Variants in ZC3H3 observed in about 807,000 individuals in gnomAD.
The protein encoded by ZC3H3 is zinc finger CCCH-type containing 3.
Under a neutral mutation model 77.3 loss-of-function variants are expected in ZC3H3, and 36 were observed. The observed-to-expected ratio is 0.47, with a 90% CI of 0.36 to 0.61. The LOEUF (loss-of-function observed/expected upper bound fraction) is 0.61, where lower values mean the gene tolerates loss of function less well. Among genes scored for constraint, ZC3H3 ranks in the 20% least tolerant of loss-of-function variants. The probability of loss-of-function intolerance (pLI) is 0.00; values close to 1 mark genes in which losing one functional copy is unlikely to be tolerated. For synonymous variants in ZC3H3, 626 were observed against 555.2 expected, an observed-to-expected ratio of 1.13 and a Z score of -1.79; for missense variants, 1,331 against 1,312.2, an observed-to-expected ratio of 1.01 and a Z score of -0.22.
intron 10 of ZC3H3, 38 bp downstream of exon 10, chr8:143,440,898 A>G: frequency 2.2e-6 from 3 of 1,362,602 alleles, no homozygotes; most frequent in Non-Finnish European, 2.8e-6. Flanking sequence ...GGAGGGGGCC[A>G]CCCAGGCTCA....
chr8:143,455,868 G>C (rs1820103668), intron 9 of ZC3H3, among the ~76,000 whole-genome samples: 1 of 148,208 alleles, frequency 6.7e-6, no homozygotes, highest in Non-Finnish European at 1.5e-5. Flanking sequence ...AGCTACTCAG[G>C]AAGCTGAGGC....
rs963195014 is a variant in ZC3H3, at chr8:143,537,860, A to G, written c.1364+143T>C. On this transcript the variant is annotated intron_variant, in intron 2 of 11. Coordinates refer to ENST00000262577, the MANE Select transcript of ZC3H3 (RefSeq NM_015117.3). Reference sequence around the variant, plus strand: ...GCCCCAGGCAAGCCCAAACCACCACAGCAGCACTTCCTGCCTCATTTCTTG... The same window carrying G: ...GCCCCAGGCAAGCCCAAACCACCACGGCAGCACTTCCTGCCTCATTTCTTG... The G allele has an allele frequency of 1.8e-5, 17 of 967,060 alleles. 1 individual carries two copies. The South Asian group carries it at 2.6e-4, about 15-fold the overall frequency. The allele number at this position is 967,060 out of a possible 1,614,324, so 59.9% of individuals were successfully genotyped here.
rs566821290 is a variant in ZC3H3, at chr8:143,471,397, G to A, written c.1904-2738C>T. ...TGGGCAGGTGACCAGCAGGGGAGGC[G>A]CAGAGGCCGGACGTGCCAGGAACAC... On this transcript the variant is annotated intron_variant, in intron 5 of 11. Transcript: ENST00000262577. Among the ~76,000 whole-genome samples, 55 of 152,328 alleles carry A rather than the reference G, an allele frequency of 3.6e-4. 2 individuals are homozygous for A. In the South Asian group the frequency reaches 9.9e-3, roughly 28 times the overall value.
chr8:143,539,023 A>T lies in ZC3H3; in HGVS notation c.344T>A (p.Val115Asp). The stretch of plus-strand genomic sequence containing the variant: ...CACGTTCTGACCCTGACTGAGCTGG[A>T]CCTGTCTCTCAAGGACATGCTGCTG... ...VPQQHVLERQ[V>D]QLSQGQNVVI... Residue 115 changes from valine (V) to aspartate (D), a missense_variant, in exon 2 of 12, where the codon GTC becomes GAC. By Grantham distance (152) the Val-to-Asp change is radical. Around this residue, in one of 3 missense-constraint regions of ZC3H3, gnomAD observed 978 missense variants for 915.5 expected, o/e 1.07. Transcript: ENST00000262577. 6.2e-6 allele frequency: 10 copies of T among 1,612,954 alleles called. No homozygotes were observed. The highest frequency in any genetic ancestry group is 8.5e-6 in the Non-Finnish European group (10 of 1,180,014).
intron 4 of ZC3H3, among the ~76,000 whole-genome samples, chr8:143,480,815 A>G (rs1820887603): frequency 1.3e-5 from 2 of 152,190 alleles, no homozygotes; most frequent in African/African-American, 4.8e-5. Context: ...AGTCAGCGTG[A>G]CTGGCACACT....
rs113284351 is a variant in ZC3H3 at position 143,496,557 on chromosome 8, G to A, written c.1715+11189C>T. 9.6e-3 allele frequency among the ~76,000 whole-genome samples: 1,464 copies of A among 152,266 alleles called. 12 individuals carry two copies. Among genetic ancestry groups the A allele is most frequent in the Non-Finnish European group, 0.013 (893 of 68,018 alleles). ...AGTGGAGTAAGACTCCTGGGTCCAC[G>A]CCGTTAAAGCAAATCAACAACGACG... On this transcript the variant is annotated intron_variant, in intron 4 of 11. Coordinates refer to ENST00000262577, the MANE Select transcript of ZC3H3 (RefSeq NM_015117.3).
At chr8:143,536,602 G>C in intron 2 of ZC3H3, 149 bp from the exon 3 acceptor site, 1 of 782,438 alleles carries the variant, frequency 1.3e-6, no homozygotes, top group Non-Finnish European at 1.9e-6. Context: ...GCCTCCCTCA[G>C]CCCATGGCGG....
Position 143,530,654 on chromosome 8 carries a change from G to A in ZC3H3, c.1561+5603C>T, listed in dbSNP as rs889087689. On this transcript the variant is annotated intron_variant, in intron 3 of 11. Coordinates refer to ENST00000262577, the MANE Select transcript of ZC3H3 (RefSeq NM_015117.3). This position sits in a 1 kb window ranked among gnomAD's most constrained non-coding sequence, Gnocchi z 4.3. Reference sequence around the variant, plus strand: ...TCTCAGGGTGGCCGAGCACAGCGACGGGCCCCAGGAGGATGTACCACGAAG... The same window carrying A: ...TCTCAGGGTGGCCGAGCACAGCGACAGGCCCCAGGAGGATGTACCACGAAG... 2.0e-5 allele frequency among the ~76,000 whole-genome samples: 3 copies of A among 152,200 alleles called. No homozygotes were observed. The highest frequency in any genetic ancestry group is 7.2e-5 in the African/African-American group (3 of 41,506).
At chr8:143,439,655 C>T (rs1049012368) in intron 11 of ZC3H3, among the ~76,000 whole-genome samples, 5 of 152,198 alleles carry the variant, frequency 3.3e-5, no homozygotes, top group Admixed American at 6.5e-5. Context: ...GGGCAGACTG[C>T]GCAGCGGCCA....
chr8:143,525,490 G>T (rs1051868596), intron 3 of ZC3H3, among the ~76,000 whole-genome samples: 1 of 152,200 alleles, frequency 6.6e-6, no homozygotes, highest in African/African-American at 2.4e-5. Flanking sequence ...GCCACCCAAG[G>T]GACCCCACAG....
At chr8:143,495,649 A>G (rs1468184600) in intron 4 of ZC3H3, among the ~76,000 whole-genome samples, 1 of 152,130 alleles carries the variant, frequency 6.6e-6, no homozygotes, top group African/African-American at 2.4e-5. Flanking sequence ...AGTGTCAGTC[A>G]GGGCTCATTG....
chr8:143,462,232 A>G lies in ZC3H3; in HGVS notation c.2307+3485T>C, dbSNP rs1360410415. Among the ~76,000 whole-genome samples, 1 of 152,154 alleles carries G rather than the reference A, an allele frequency of 6.6e-6. No individual in the cohort carries two copies. Among genetic ancestry groups the G allele is most frequent in the South Asian group, 2.1e-4 (1 of 4,826 alleles). Reference sequence around the variant, plus strand: ...GGCAGTGCCGTTATCCCGACTGTATATAAAAGGAGACTGAGGCCAGAGGAG... The same window carrying G: ...GGCAGTGCCGTTATCCCGACTGTATGTAAAAGGAGACTGAGGCCAGAGGAG... On this transcript the variant is annotated intron_variant, in intron 9 of 11. Coordinates refer to ENST00000262577, the MANE Select transcript of ZC3H3 (RefSeq NM_015117.3). This position sits in a 1 kb window ranked among gnomAD's most constrained non-coding sequence, Gnocchi z 4.7.
At chr8:143,513,850 C>A (rs1330242699) in intron 3 of ZC3H3, among the ~76,000 whole-genome samples, 1 of 152,194 alleles carries the variant, frequency 6.6e-6, no homozygotes, top group Non-Finnish European at 1.5e-5. Context: ...CTCCTCACAG[C>A]CTTTGCTGAG....
intron 4 of ZC3H3, among the ~76,000 whole-genome samples, chr8:143,507,321 C>T (rs1821732906): frequency 6.6e-6 from 1 of 152,258 alleles, no homozygotes; most frequent in African/African-American, 2.4e-5. Context: ...ACCGCCTTGA[C>T]AATCATACAT....
At chr8:143,446,501 C>T (rs952220397) in intron 9 of ZC3H3, among the ~76,000 whole-genome samples, 1 of 151,806 alleles carries the variant, frequency 6.6e-6, no homozygotes, top group Non-Finnish European at 1.5e-5. Flanking sequence ...AGAAAAACAC[C>T]CTCACCCTCA....
At chr8:143,529,359 C>T (rs961438653) in intron 3 of ZC3H3, among the ~76,000 whole-genome samples, 3 of 152,224 alleles carry the variant, frequency 2.0e-5, no homozygotes, top group Non-Finnish European at 4.4e-5. Flanking sequence ...AGCCACAGCA[C>T]GGGCTGGGTG....
At position 143,533,069 on chromosome 8, in the gene ZC3H3, C is replaced by T. The variant is rs193237272; in HGVS notation, c.1561+3188G>A. On this transcript the variant is annotated intron_variant, in intron 3 of 11. Transcript: ENST00000262577. This position sits in a 1 kb window ranked among gnomAD's most constrained non-coding sequence, Gnocchi z 4.0. Reference sequence around the variant, plus strand: ...GCCCACTCGGGCCTGCCAGACACCCCGGGGCCCTGGACACGCCCCTCCCAG... The same window carrying T: ...GCCCACTCGGGCCTGCCAGACACCCTGGGGCCCTGGACACGCCCCTCCCAG... 5.7e-4 allele frequency among the ~76,000 whole-genome samples: 87 copies of T among 152,252 alleles called. No individual in the cohort carries two copies. Among genetic ancestry groups the T allele is most frequent in the African/African-American group, 1.8e-3 (74 of 41,554 alleles).
At chr8:143,455,185 G>C (rs1484289990) in intron 9 of ZC3H3, among the ~76,000 whole-genome samples, 1 of 152,008 alleles carries the variant, frequency 6.6e-6, no homozygotes, top group East Asian at 1.9e-4. Flanking sequence ...GTGGTGGCGG[G>C]GGCCTGTAAT....
At chr8:143,518,161 G>A (rs369347431) in intron 3 of ZC3H3, among the ~76,000 whole-genome samples, 8 of 152,178 alleles carry the variant, frequency 5.3e-5, no homozygotes, top group South Asian at 2.1e-4. Flanking sequence ...ATGGCCTAGC[G>A]CAGAGTCAGG....
Sources: gnomAD v4.1 joint callset for allele counts (sites outside exome capture counted in the v4.1 genomes callset) on GRCh38, gnomAD v4.1.1 for gene constraint, gnomAD v4.1.1 regional missense constraint, Gnocchi (gnomAD v3.1) non-coding constraint, MANE v1.5 for transcripts, NCBI Gene and HGNC (gene_info 2026-07-23, HGNC 2026-07-21) for gene names.